CWC27: variants seen among roughly 807,000 people sequenced by gnomAD.
CWC27 encodes spliceosome-associated protein CWC27 homolog.
A neutral mutation model predicts 63.6 loss-of-function variants in CWC27; 47 were observed. The observed-to-expected ratio is 0.74, with a 90% CI of 0.58 to 0.94. CWC27 has a LOEUF of 0.94. CWC27 is among the 40% of genes least tolerant of loss of function. CWC27 has a pLI of 0.00. For missense variants in CWC27, 495 were observed against 554.3 expected (o/e 0.89, Z 1.07); for synonymous variants, 175 against 179.8 (o/e 0.97, Z 0.22).
intron 11 of CWC27, among the ~76,000 whole-genome samples, chr5:64,909,009 C>G (rs1283247383): frequency 6.6e-6 from 1 of 152,158 alleles, no homozygotes; most frequent in African/African-American, 2.4e-5. Context: ...CATGTTTTTG[C>G]AGTGGCTGGT....
At chr5:64,903,537 C>T (rs549172953) in intron 11 of CWC27, among the ~76,000 whole-genome samples, 1 of 140,350 alleles carries the variant, frequency 7.1e-6, no homozygotes, top group African/African-American at 2.7e-5. Flanking sequence ...GGGATCGGGG[C>T]AAGGGGAGGG....
At chr5:64,990,266 G>T (rs140985046) in intron 13 of CWC27, among the ~76,000 whole-genome samples, 4,767 of 31,694 alleles carry the variant, frequency 0.15, 34 homozygotes, top group Middle Eastern at 0.21. Context: ...TTTTTTTTTT[G>T]TTTTTTTTTT....
At chr5:64,972,297 T>A (rs1749141008) in intron 12 of CWC27, among the ~76,000 whole-genome samples, 1 of 152,152 alleles carries the variant, frequency 6.6e-6, no homozygotes, top group Non-Finnish European at 1.5e-5. Flanking sequence ...CTTTAGGTAG[T>A]AATATTAAGA....
intron 1 of CWC27, among the ~76,000 whole-genome samples, chr5:64,773,503 G>T (rs1238948352): frequency 6.6e-6 from 1 of 150,584 alleles, no homozygotes; most frequent in Non-Finnish European, 1.5e-5. Flanking sequence ...TTCTTTTTAG[G>T]GTGGTGAAAT....
chr5:64,912,073 C>CAAAAAAAA (rs1253684440), intron 11 of CWC27, among the ~76,000 whole-genome samples: 1 of 83,406 alleles, frequency 1.2e-5, no homozygotes. Flanking sequence ...GACTCTGTCT[C>CAAAAAAAA]AAAAAAAAAA....
Position 64,786,579 on chromosome 5 carries a change from A to T in CWC27, c.551A>T (p.Lys184Ile). 1 of 1,594,342 alleles carries T rather than the reference A, an allele frequency of 6.3e-7. No individual in the cohort carries two copies. The highest frequency in any genetic ancestry group is 8.5e-7 in the Non-Finnish European group (1 of 1,171,950). ...CCAAGGGAAATTAAAAGGCTGAAAAAAGAGAAACCAGAGGAGGAAGTAAAG... is the reference window on the plus strand; with the variant it reads ...CCAAGGGAAATTAAAAGGCTGAAAATAGAGAAACCAGAGGAGGAAGTAAAG... ...IIPREIKRLK[K>I]EKPEEEVKKL... Residue 184 changes from lysine to isoleucine, a missense_variant, in exon 6 of 14, where the codon AAA (lysine) becomes ATA (isoleucine). Lys to Ile is a moderately radical substitution (Grantham distance 102). Transcript: ENST00000381070.
chr5:64,876,422 A>G (rs1449857306), intron 10 of CWC27, among the ~76,000 whole-genome samples: 3 of 152,116 alleles, frequency 2.0e-5, no homozygotes, highest in Non-Finnish European at 4.4e-5. Context: ...ATGAATTCTT[A>G]TCAGATGTTG....
intron 7 of CWC27, among the ~76,000 whole-genome samples, chr5:64,790,479 G>A (rs35951939): frequency 0.3 from 45,125 of 152,014 alleles, 8,037 homozygotes; most frequent in Middle Eastern, 0.47. Flanking sequence ...AACCATGAAT[G>A]TTAGATCTAG....
chr5:64,890,421 G>T (rs1479261284), intron 11 of CWC27, among the ~76,000 whole-genome samples: 1 of 152,090 alleles, frequency 6.6e-6, no homozygotes, highest in Non-Finnish European at 1.5e-5. Flanking sequence ...GTCTTAGTTG[G>T]TATAAGAAAC....
chr5:64,828,550 A>C (rs886152333), intron 10 of CWC27, among the ~76,000 whole-genome samples: 1 of 151,906 alleles, frequency 6.6e-6, no homozygotes. Context: ...TGCATCCTCA[A>C]ATGGCAGAGG....
At chr5:64,912,719 A>G (rs546743886) in intron 11 of CWC27, among the ~76,000 whole-genome samples, 119 of 152,270 alleles carry the variant, frequency 7.8e-4, no homozygotes, top group African/African-American at 2.7e-3. Context: ...CAACATAAAA[A>G]TGCTCTCAAA....
At chr5:64,777,819 AG>A (rs1743510988) in intron 2 of CWC27, among the ~76,000 whole-genome samples, 1 of 152,178 alleles carries the variant, frequency 6.6e-6, no homozygotes, top group African/African-American at 2.4e-5. Context: ...ATAAATGCAT[AG>A]TTCAATAGTG....
intron 10 of CWC27, among the ~76,000 whole-genome samples, chr5:64,861,346 A>G (rs189112092): frequency 6.6e-6 from 1 of 152,150 alleles, no homozygotes; most frequent in East Asian, 1.9e-4. Flanking sequence ...ATATATATAT[A>G]TAAAACCAAT....
intron 11 of CWC27, among the ~76,000 whole-genome samples, chr5:64,957,734 G>T (rs58229559): frequency 5.9e-5 from 9 of 152,110 alleles, no homozygotes; most frequent in African/African-American, 2.2e-4. Context: ...AATAAAAAAC[G>T]TTATTAGGGA....
At chr5:64,887,670 T>C (rs1747110190) in intron 11 of CWC27, among the ~76,000 whole-genome samples, 2 of 152,180 alleles carry the variant, frequency 1.3e-5, no homozygotes, top group African/African-American at 4.8e-5. Flanking sequence ...AAAATTTTAC[T>C]ATGTTTCCAT....
chr5:64,790,096 C>T (rs1267341037), intron 7 of CWC27, among the ~76,000 whole-genome samples: 2 of 151,994 alleles, frequency 1.3e-5, no homozygotes, highest in Non-Finnish European at 2.9e-5. Context: ...ATATTTTGGT[C>T]ATAACTTTTT....
chr5:64,912,203 T>A (rs1580722465), intron 11 of CWC27, among the ~76,000 whole-genome samples: 2 of 152,072 alleles, frequency 1.3e-5, no homozygotes. Flanking sequence ...TAGGCACTGG[T>A]AGAAGCCATG....
intron 11 of CWC27, among the ~76,000 whole-genome samples, chr5:64,912,268 T>C (rs1345686819): frequency 6.6e-6 from 1 of 152,026 alleles, no homozygotes; most frequent in African/African-American, 2.4e-5. Context: ...TTCTGCACTT[T>C]GGCAAATGTG....
chr5:64,803,284 ATTTC>A (rs745679278), intron 9 of CWC27, among the ~76,000 whole-genome samples: 8 of 152,062 alleles, frequency 5.3e-5, no homozygotes, highest in Non-Finnish European at 8.8e-5. Flanking sequence ...ACTTGGGGTT[ATTTC>A]TTCCTTCTTC....
Sources: allele counts gnomAD v4.1 joint callset (sites outside exome capture counted in the v4.1 genomes callset), GRCh38; gene constraint gnomAD v4.1.1; transcripts MANE v1.5; gene names NCBI Gene and HGNC (gene_info 2026-07-23, HGNC 2026-07-21).